CSNK1G2: variants seen among roughly 807,000 people sequenced by gnomAD.
The protein encoded by CSNK1G2 is casein kinase I isoform gamma-2.
A neutral mutation model predicts 48.0 loss-of-function variants in CSNK1G2; 11 were observed. That is an observed-to-expected ratio of 0.23 (90% CI 0.14 to 0.38). CSNK1G2 has a LOEUF of 0.38. CSNK1G2 is among the 10% of genes least tolerant of loss of function. The pLI is 1.00. For missense variants in CSNK1G2, 446 were observed against 595.5 expected, an observed-to-expected ratio of 0.75 and a Z score of 2.61; for synonymous variants, 337 against 254.1, an observed-to-expected ratio of 1.33 and a Z score of -3.10.
Position 1,981,271 on chromosome 19 carries a change from C to G in CSNK1G2, c.*1068C>G, listed in dbSNP as rs533601160. On this transcript the variant is annotated 3_prime_UTR_variant, in exon 12 of 12. Coordinates refer to ENST00000255641, the MANE Select transcript of CSNK1G2 (RefSeq NM_001319.7). ...GTACAGAAATGGCATTTACGTTTCT[C>G]TGATGCTCCCTTGAAGCCATAGAAT... 6.6e-6 allele frequency: 1 copy of G among 152,212 alleles called. No individual in the cohort carries two copies. The highest frequency in any genetic ancestry group is 1.5e-5 in the Non-Finnish European group (1 of 68,054). The allele number at this position is 152,212 out of a possible 1,614,324, so 9.4% of individuals were successfully genotyped here.
At chr19:1,976,130 C>G (rs2015745336) in intron 2 of CSNK1G2, 1 of 1,285,638 alleles carries the variant, frequency 7.8e-7, no homozygotes, top group Non-Finnish European at 1.0e-6. Flanking sequence ...GTTCTGGGGC[C>G]TCGGCAATGA....
intron 1 of CSNK1G2, among the ~76,000 whole-genome samples, chr19:1,946,289 T>TATTTATTTATTTATTA (rs56098852): frequency 1.7e-3 from 249 of 143,872 alleles, no homozygotes; most frequent in African/African-American, 5.8e-3. Context: ...TTTATTTATT[T>TATTTATTTATTTATTA]TTTATTTATT....
chr19:1,977,318 T>C (rs2015792517), intron 2 of CSNK1G2, among the ~76,000 whole-genome samples: 1 of 152,172 alleles, frequency 6.6e-6, no homozygotes, highest in African/African-American at 2.4e-5. Flanking sequence ...CCTGTTCACC[T>C]CTAGGCTCAC....
At chr19:1,951,352 G>A (rs569412262) in intron 1 of CSNK1G2, among the ~76,000 whole-genome samples, 5 of 144,302 alleles carry the variant, frequency 3.5e-5, no homozygotes, top group South Asian at 2.3e-4. Context: ...GCAGTGAGCC[G>A]AGATCGCACC....
rs771442944 is a variant in CSNK1G2 at position 1,979,987 on chromosome 19, C to T, written c.1163C>T (p.Pro388Leu). Residue 388 changes from proline to leucine, a missense_variant, in exon 11 of 12, where the codon CCT (proline) becomes CTT (leucine). By Grantham distance (98) the Pro-to-Leu change is moderately conservative. This residue lies in a region of CSNK1G2 where 188 missense variants were observed against 179.6 expected (regional missense o/e 1.05). Transcript: ENST00000255641. Reference sequence around the variant, plus strand: ...CACTCCAACGCCCCGATCACAGCGCCTGCAGAGGTGGAGGTGGCCGATGAA... The same window carrying T: ...CACTCCAACGCCCCGATCACAGCGCTTGCAGAGGTGGAGGTGGCCGATGAA... ...AGHSNAPITA[P>L]AEVEVADETK... The T allele has an allele frequency of 6.3e-7, 1 of 1,586,648 alleles. No individual in the cohort carries two copies. Among genetic ancestry groups the T allele is most frequent in the Non-Finnish European group, 8.6e-7 (1 of 1,165,434 alleles).
intron 11 of CSNK1G2, 24 bp downstream of exon 11, chr19:1,980,041 C>T (rs769443896): frequency 2.9e-4 from 460 of 1,580,940 alleles, no homozygotes; most frequent in Admixed American, 3.9e-4. Context: ...GCGGTGCCTT[C>T]GGGGAGGTGG....
In CSNK1G2 at chr19:1,951,271, C is replaced by T. The variant is rs371098422; in HGVS notation, c.-266+9853C>T. On this transcript the variant is annotated intron_variant, in intron 1 of 11. Transcript: ENST00000255641. ...ACAAAAAATTAGCCGGGCGTGGTGG[C>T]GGGCGCCTGTAGTCCCAGCTACTCG... Among the ~76,000 whole-genome samples the T allele has an allele frequency of 1.5e-4, 21 of 144,578 alleles. 3 individuals are homozygous for T. Among genetic ancestry groups the T allele is most frequent in the African/African-American group, 4.3e-4 (16 of 37,476 alleles). The allele number at this position is 144,578 out of a possible 152,430, so 94.8% of individuals were successfully genotyped here.
chr19:1,945,176 G>T (rs537311553), intron 1 of CSNK1G2, among the ~76,000 whole-genome samples: 2 of 152,336 alleles, frequency 1.3e-5, no homozygotes, highest in East Asian at 3.9e-4. Context: ...GCACCAGCCT[G>T]TGCGCCCGCA....
chr19:1,965,227 CAAA>C (rs567764233), intron 1 of CSNK1G2, among the ~76,000 whole-genome samples: 1 of 149,304 alleles, frequency 6.7e-6, no homozygotes, highest in Non-Finnish European at 1.5e-5. Context: ...ACTAAAAATA[CAAA>C]AAATTAACCG....
chr19:1,949,510 C>T (rs895470866), intron 1 of CSNK1G2, among the ~76,000 whole-genome samples: 1 of 152,218 alleles, frequency 6.6e-6, no homozygotes, highest in African/African-American at 2.4e-5. Context: ...CGTGTTCCGG[C>T]GTGTGGGTGG....
chr19:1,949,353 G>C (rs1436634263), intron 1 of CSNK1G2, among the ~76,000 whole-genome samples: 1 of 152,194 alleles, frequency 6.6e-6, no homozygotes, highest in Admixed American at 6.5e-5. Flanking sequence ...TTCTGGCTCT[G>C]TGACTCTGAG....
intron 1 of CSNK1G2, among the ~76,000 whole-genome samples, chr19:1,959,565 G>C (rs34223610): frequency 0.075 from 4,847 of 64,864 alleles, 93 homozygotes; most frequent in African/African-American, 0.23. Context: ...TAGTGCCACC[G>C]TGGGTCCCCC....
At chr19:1,962,211 A>G (rs556519479) in intron 1 of CSNK1G2, among the ~76,000 whole-genome samples, 27 of 152,100 alleles carry the variant, frequency 1.8e-4, no homozygotes, top group Non-Finnish European at 3.5e-4. Flanking sequence ...GGTGCCTTGT[A>G]GTCCCAGCTA....
intron 1 of CSNK1G2, among the ~76,000 whole-genome samples, chr19:1,950,089 G>C (rs1489456645): frequency 7.9e-5 from 12 of 152,124 alleles, no homozygotes; most frequent in Non-Finnish European, 1.5e-4. Flanking sequence ...GGCCTTTCGA[G>C]GCCACAAAAA....
intron 2 of CSNK1G2, among the ~76,000 whole-genome samples, chr19:1,977,750 CAAAAAAAAAAA>C (rs758107982): frequency 2.4e-5 from 2 of 83,038 alleles, no homozygotes; most frequent in African/African-American, 8.6e-5. Flanking sequence ...GACACCGTCT[CAAAAAAAAAAA>C]AAAAAAAAAG....
chr19:1,967,864 T>C (rs570076853), intron 1 of CSNK1G2, among the ~76,000 whole-genome samples: 10 of 26,448 alleles, frequency 3.8e-4, no homozygotes, highest in Admixed American at 1.7e-3. Context: ...CCTCCTCCCT[T>C]CTCCCCAGGC....
chr19:1,975,443 G>C, intron 2 of CSNK1G2: 1 of 985,486 alleles, frequency 1.0e-6, no homozygotes, highest in Non-Finnish European at 1.2e-6. Flanking sequence ...CTCCGCTCTG[G>C]AGAGTCAGAA....
In CSNK1G2 at chr19:1,955,644, G is replaced by T. The variant is rs117140323; in HGVS notation, c.-265-13864G>T. ...TGGCTGGGCCCTCCCTCTGCTGTCC[G>T]CCCACGACCCCCTCAGAGGGGCTGT... is the stretch of plus-strand genomic sequence containing the variant. On this transcript the variant is annotated intron_variant, in intron 1 of 11. Coordinates refer to ENST00000255641, the MANE Select transcript of CSNK1G2 (RefSeq NM_001319.7). Among the ~76,000 whole-genome samples, 257 of 152,046 alleles carry T rather than the reference G, an allele frequency of 1.7e-3. 5 individuals carry two copies. The highest frequency in any genetic ancestry group is 0.012 in the Admixed American group (188 of 15,300).
At chr19:1,966,183 G>A (rs2015360224) in intron 1 of CSNK1G2, among the ~76,000 whole-genome samples, 1 of 152,184 alleles carries the variant, frequency 6.6e-6, no homozygotes, top group Non-Finnish European at 1.5e-5. Flanking sequence ...ATGGAGCTGG[G>A]GAAATTGGGT....
Sources: allele counts gnomAD v4.1 joint callset (sites outside exome capture counted in the v4.1 genomes callset), GRCh38; gene constraint gnomAD v4.1.1; regional missense constraint gnomAD v4.1.1; transcripts MANE v1.5; gene names NCBI Gene and HGNC (gene_info 2026-07-23, HGNC 2026-07-21).